Variants in KAT6B observed in about 807,000 individuals in gnomAD.
KAT6B encodes the protein lysine acetyltransferase 6B.
In KAT6B, 10 loss-of-function variants were observed where a neutral mutation model predicts 187.5. The ratio of observed to expected loss-of-function variants is 0.05; its 90% CI spans 0.03 to 0.09. KAT6B has a LOEUF of 0.09. KAT6B is among the 10% of genes least tolerant of loss of function. KAT6B has a pLI of 1.00. For synonymous variants in KAT6B, 861 were observed against 926.8 expected (o/e 0.93, Z 1.29); for missense variants, 1,952 against 2,558.9 (o/e 0.76, Z 5.12).
intron 8 of KAT6B, 99 bp downstream of exon 8, chr10:74,976,429 T>G: frequency 2.1e-6 from 2 of 952,132 alleles, no homozygotes; most frequent in Non-Finnish European, 3.3e-6. Flanking sequence ...GTCACATAGG[T>G]CTTAGCTATT....
chr10:74,926,441 G>A (rs1848508204), intron 3 of KAT6B, among the ~76,000 whole-genome samples: 1 of 152,192 alleles, frequency 6.6e-6, no homozygotes, highest in African/African-American at 2.4e-5. Flanking sequence ...GCAACAGACT[G>A]AGACTCTGTC....
At chr10:74,965,395 G>A (rs1841389328) in intron 4 of KAT6B, among the ~76,000 whole-genome samples, 1 of 152,130 alleles carries the variant, frequency 6.6e-6, no homozygotes, top group African/African-American at 2.4e-5. Flanking sequence ...CTTGTTTAAT[G>A]TTTGTCTTTC....
At chr10:74,904,529 A>G (rs1269874474) in intron 3 of KAT6B, among the ~76,000 whole-genome samples, 2 of 152,194 alleles carry the variant, frequency 1.3e-5, no homozygotes, top group Non-Finnish European at 2.9e-5. Context: ...AGCCCTGTGT[A>G]TGCTCATAGG....
chr10:74,843,131 G>T lies in KAT6B; in HGVS notation c.274G>T (p.Ala92Ser). ...TAAACCAGGCACTTTTCCTAAGTCA[G>T]CCAAGGGGTCTAGAGGATCATGTAA... ...SVKPGTFPKS[A>S]KGSRGSCNDL... The change falls in exon 3 of 18, where the codon GCC (alanine) becomes TCC (serine). Residue 92 changes from alanine to serine, a missense_variant. Physicochemically the swap from Ala to Ser is moderately conservative, Grantham distance 99. This residue lies in a region of KAT6B where 218 missense variants were observed against 282.6 expected (regional missense o/e 0.77). Transcript: ENST00000287239. 1.2e-6 allele frequency: 2 copies of T among 1,614,224 alleles called. No individual in the cohort carries two copies. Among genetic ancestry groups the T allele is most frequent in the Non-Finnish European group, 1.7e-6 (2 of 1,180,040 alleles).
Position 75,030,896 on chromosome 10 carries a change from G to A in KAT6B, c.6072G>A (p.Gln2024=), listed in dbSNP as rs779040271. Residue 2024 remains glutamine, a synonymous_variant, in exon 18 of 18, where the codon CAG becomes CAA. Transcript: ENST00000287239. This position sits in a 1 kb window ranked among gnomAD's most constrained non-coding sequence, Gnocchi z 4.8. ...NQTPQYPMQM[Q]MGMMGTQPYA... Reference sequence around the variant, plus strand: ...CGCCCCAATACCCTATGCAGATGCAGATGGGCATGATGGGCACCCAGCCAT... The same window carrying A: ...CGCCCCAATACCCTATGCAGATGCAAATGGGCATGATGGGCACCCAGCCAT... 5.0e-6 allele frequency: 8 copies of A among 1,613,862 alleles called. No homozygotes were observed. In the East Asian group the frequency reaches 6.7e-5, roughly 13 times the overall value.
chr10:74,986,045 AAAAAC>A (rs952972609), intron 12 of KAT6B, among the ~76,000 whole-genome samples: 22 of 152,290 alleles, frequency 1.4e-4, no homozygotes, highest in African/African-American at 3.1e-4. Context: ...ACTCCATCTC[AAAAAC>A]AAAACAAAAC....
intron 13 of KAT6B, among the ~76,000 whole-genome samples, chr10:75,005,343 G>A (rs2134005028): frequency 6.6e-6 from 1 of 151,530 alleles, no homozygotes; most frequent in South Asian, 2.1e-4. Context: ...TCAGTCTCCT[G>A]AGTAGCTGGG....
At chr10:74,945,454 C>T (rs2133341759) in intron 3 of KAT6B, among the ~76,000 whole-genome samples, 1 of 152,236 alleles carries the variant, frequency 6.6e-6, no homozygotes, top group African/African-American at 2.4e-5. Context: ...GTATCATTTG[C>T]CCAAACTTTT....
chr10:74,973,210 A>G (rs1370155159), intron 7 of KAT6B, among the ~76,000 whole-genome samples: 1 of 152,240 alleles, frequency 6.6e-6, no homozygotes, highest in Admixed American at 6.5e-5. Flanking sequence ...TATATAAAAT[A>G]ATATATTCGC....
intron 13 of KAT6B, among the ~76,000 whole-genome samples, chr10:75,005,762 T>G (rs1393730983): frequency 6.6e-6 from 1 of 152,220 alleles, no homozygotes; most frequent in Non-Finnish European, 1.5e-5. Flanking sequence ...ATTTTCATGT[T>G]TACCAATATA....
At chr10:74,889,166 AC>A (rs2132618319) in intron 3 of KAT6B, among the ~76,000 whole-genome samples, 1 of 152,318 alleles carries the variant, frequency 6.6e-6, no homozygotes, top group Non-Finnish European at 1.5e-5. Context: ...GTCAGTGGAG[AC>A]TTTGTCTGTG....
At chr10:74,939,840 C>T (rs762074754) in intron 3 of KAT6B, among the ~76,000 whole-genome samples, 2 of 152,202 alleles carry the variant, frequency 1.3e-5, no homozygotes, top group Non-Finnish European at 2.9e-5. Flanking sequence ...ATGCCTGTTT[C>T]CGTTACCCAG....
intron 3 of KAT6B, among the ~76,000 whole-genome samples, chr10:74,867,596 A>G (rs1340814522): frequency 6.6e-6 from 1 of 152,240 alleles, no homozygotes; most frequent in Non-Finnish European, 1.5e-5. Flanking sequence ...TTTCATTGAC[A>G]TGAGGGACAC....
intron 3 of KAT6B, among the ~76,000 whole-genome samples, chr10:74,956,014 C>A (rs1291460629): frequency 9.9e-5 from 15 of 152,168 alleles, no homozygotes; most frequent in Admixed American, 9.8e-4. Flanking sequence ...GCCTCAACTT[C>A]CTCAGCTCAA....
chr10:74,943,400 T>G (rs1304642366), intron 3 of KAT6B, among the ~76,000 whole-genome samples: 1 of 152,204 alleles, frequency 6.6e-6, no homozygotes, highest in African/African-American at 2.4e-5. Flanking sequence ...CCAAACTGAT[T>G]TATAGAGTCA....
intron 13 of KAT6B, among the ~76,000 whole-genome samples, chr10:75,009,893 C>T (rs1487381428): frequency 6.6e-6 from 1 of 152,082 alleles, no homozygotes; most frequent in African/African-American, 2.4e-5. Context: ...CCCAGCTACT[C>T]GGGAGGCTGA....
chr10:74,995,077 G>A (rs1843343109), intron 13 of KAT6B, among the ~76,000 whole-genome samples: 1 of 152,136 alleles, frequency 6.6e-6, no homozygotes, highest in Non-Finnish European at 1.5e-5. Context: ...TTCTCTGACA[G>A]TGAGAACCCT....
chr10:74,845,892 A>G (rs1201080890), intron 3 of KAT6B, among the ~76,000 whole-genome samples: 2 of 149,084 alleles, frequency 1.3e-5, no homozygotes, highest in African/African-American at 4.9e-5. Context: ...TTGCCTTTCC[A>G]TGGGCTGATC....
intron 3 of KAT6B, among the ~76,000 whole-genome samples, chr10:74,888,543 TC>T (rs1357730168): frequency 3.9e-5 from 6 of 152,206 alleles, no homozygotes; most frequent in Non-Finnish European, 4.4e-5. Flanking sequence ...TATGATTTTA[TC>T]CCATCAGATT....
Sources: gnomAD v4.1 joint callset for allele counts (sites outside exome capture counted in the v4.1 genomes callset) on GRCh38, gnomAD v4.1.1 for gene constraint, gnomAD v4.1.1 regional missense constraint, Gnocchi (gnomAD v3.1) non-coding constraint, MANE v1.5 for transcripts, NCBI Gene and HGNC (gene_info 2026-07-23, HGNC 2026-07-21) for gene names.